CCDC85C: variants seen among roughly 807,000 people sequenced by gnomAD.
The protein encoded by CCDC85C is coiled-coil domain containing 85C, also known as coiled-coil domain-containing protein 85C.
Under a neutral mutation model 38.3 loss-of-function variants are expected in CCDC85C, and 18 were observed. The ratio of observed to expected loss-of-function variants is 0.47; its 90% CI spans 0.33 to 0.70. CCDC85C has a LOEUF of 0.70. CCDC85C is among the 30% of genes least tolerant of loss of function. The probability of loss-of-function intolerance (pLI) is 0.03; values close to 1 mark genes in which losing one functional copy is unlikely to be tolerated. For missense variants in CCDC85C, 566 were observed against 621.2 expected (o/e 0.91, Z 0.94); for synonymous variants, 264 against 293.8 (o/e 0.90, Z 1.04).
At chr14:99,559,661 C>T (rs1898078575) in intron 1 of CCDC85C, among the ~76,000 whole-genome samples, 1 of 152,198 alleles carries the variant, frequency 6.6e-6, no homozygotes, top group Non-Finnish European at 1.5e-5. Flanking sequence ...GCTGTCTCTT[C>T]CATCAGGGAG....
rs1463604354 is a variant in CCDC85C at position 99,604,090 on chromosome 14, C to G, written c.-131G>C. 1.0e-5 allele frequency: 9 copies of G among 901,554 alleles called. No individual in the cohort carries two copies. Among genetic ancestry groups the G allele is most frequent in the African/African-American group, 3.7e-5 (2 of 54,550 alleles). 55.8% of individuals were successfully genotyped at this position (901,554 alleles called of 1,614,324 possible). A position where few individuals can be genotyped will look rare whatever the true frequency, so the allele number is the denominator to read the frequency against. ...GCGCGTGCGGCCCGCCCCGCGCCGC[C>G]TGGCGCGTCCTCTCGCCGCGCCCGC... On this transcript the variant is annotated 5_prime_UTR_variant, in exon 1 of 6. Coordinates refer to ENST00000380243, the MANE Select transcript of CCDC85C (RefSeq NM_001144995.2).
Position 99,522,241 on chromosome 14 carries a change from C to A in CCDC85C, c.868-1G>T. On this transcript the variant is annotated splice_acceptor_variant, in intron 2 of 5. Transcript: ENST00000380243. LOFTEE classifies it high-confidence loss of function. ...TGCGGAACTCTCCGGAGCCTGCCTG[C>A]TGCAGGGGAGAGAAGGAGAGGGGTT... The A allele has an allele frequency of 6.5e-7, 1 of 1,545,788 alleles. No individual in the cohort carries two copies. The highest frequency in any genetic ancestry group is 8.7e-7 in the Non-Finnish European group (1 of 1,145,194).
chr14:99,568,561 G>A (rs1898269806), intron 1 of CCDC85C, among the ~76,000 whole-genome samples: 1 of 152,138 alleles, frequency 6.6e-6, no homozygotes, highest in East Asian at 1.9e-4. Context: ...ATGACGACCT[G>A]AGGACCCCGC....
Position 99,603,265 on chromosome 14 carries a change from G to A in CCDC85C, c.695C>T (p.Pro232Leu), listed in dbSNP as rs2055226281. Residue 232 changes from proline (P) to leucine (L), a missense_variant, in exon 1 of 6, where the codon CCG becomes CTG. Transcript: ENST00000380243. This position sits in a 1 kb window ranked among gnomAD's most constrained non-coding sequence, Gnocchi z 7.5. ...HVPPPLLPPG[P>L]HKAPDGKAGA... ...TGCCTTGCCGTCGGGGGCCTTGTGC[G>A]GCCCGGGGGGCAGCAGCGGGGGTGG... 5 of 1,381,750 alleles carry A rather than the reference G, an allele frequency of 3.6e-6. No homozygotes were observed. The highest frequency in any genetic ancestry group is 4.7e-6 in the Non-Finnish European group (5 of 1,073,970). 85.6% of individuals were successfully genotyped at this position (1,381,750 alleles called of 1,614,324 possible). A position where few individuals can be genotyped will look rare whatever the true frequency, so the allele number is the denominator to read the frequency against.
intron 1 of CCDC85C, among the ~76,000 whole-genome samples, chr14:99,597,107 G>A (rs2055151173): frequency 1.3e-5 from 2 of 152,086 alleles, no homozygotes; most frequent in African/African-American, 4.8e-5. Flanking sequence ...CCCGATGGAA[G>A]CCCTCAGCTT....
chr14:99,522,317 C>G (rs925975017), intron 2 of CCDC85C, 77 bp from the exon 3 acceptor site: 3 of 1,120,482 alleles, frequency 2.7e-6, no homozygotes, highest in Non-Finnish European at 3.8e-6. Flanking sequence ...TGGCTCCTCA[C>G]GGCAGCAGGG....
chr14:99,550,235 A>G (rs1373504451), intron 1 of CCDC85C, among the ~76,000 whole-genome samples: 1 of 152,168 alleles, frequency 6.6e-6, no homozygotes, highest in Non-Finnish European at 1.5e-5. Context: ...TTAGGAGGAG[A>G]TTAGTCTGGA....
At position 99,500,287 on chromosome 14, in the gene CCDC85C, TATATACACAC is replaced by T. The variant is rs1896792027; in HGVS notation, c.*14949_*14958del. On this transcript the variant is annotated 3_prime_UTR_variant, in exon 6 of 6. Transcript: ENST00000380243. ...AATACACTATATGTGTACATGAGTA[TATATACACAC>T]ACATACACACACACTGGTACAATTT... The T allele has an allele frequency of 6.0e-6, 1 of 165,876 alleles. No homozygotes were observed. Among genetic ancestry groups the T allele is most frequent in the Non-Finnish European group, 1.3e-5 (1 of 76,872 alleles). 10.3% of individuals were successfully genotyped at this position (165,876 alleles called of 1,614,324 possible). A position where few individuals can be genotyped will look rare whatever the true frequency, so the allele number is the denominator to read the frequency against.
Position 99,501,371 on chromosome 14 carries a change from T to C in CCDC85C, c.*13875A>G. 1 of 1,606,224 alleles carries C rather than the reference T, an allele frequency of 6.2e-7. No homozygotes were observed. Among genetic ancestry groups the C allele is most frequent in the Non-Finnish European group, 8.5e-7 (1 of 1,174,556 alleles). On this transcript the variant is annotated 3_prime_UTR_variant, in exon 6 of 6. Transcript: ENST00000380243. ...CCATTTCTAGGTGATAAAAACAAAA[T>C]TCAAAAGTTGGTTCAAATGGCATGG...
At position 99,501,188 on chromosome 14, in the gene CCDC85C, A is replaced by G. The variant is rs2069495; in HGVS notation, c.*14058T>C. 6.8e-4 allele frequency: 422 copies of G among 620,780 alleles called. No homozygotes were observed. In the African/African-American group the frequency reaches 7.0e-3, roughly 10 times the overall value. 38.5% of individuals were successfully genotyped at this position (620,780 alleles called of 1,614,324 possible). On this transcript the variant is annotated 3_prime_UTR_variant, in exon 6 of 6. Transcript: ENST00000380243. Reference sequence around the variant, plus strand: ...GGTTCAGCGTAGGTCATGAGGAGGAAGAAGGGGTAGGATGTGGACCCACAT... The same window carrying G: ...GGTTCAGCGTAGGTCATGAGGAGGAGGAAGGGGTAGGATGTGGACCCACAT...
In CCDC85C at chr14:99,569,765, C is replaced by T. The variant is rs1197921743; in HGVS notation, c.793+33402G>A. On this transcript the variant is annotated intron_variant, in intron 1 of 5. Transcript: ENST00000380243. This position sits in a 1 kb window ranked among gnomAD's most constrained non-coding sequence, Gnocchi z 4.3. ...TTTCAGGTGCAATGCTCCAAGGCGA[C>T]GCAGGGAGGGATCTAGACCCAGGCA... 2.6e-5 allele frequency among the ~76,000 whole-genome samples: 4 copies of T among 152,146 alleles called. No individual in the cohort carries two copies. The highest frequency in any genetic ancestry group is 1.9e-4 in the East Asian group (1 of 5,176).
intron 2 of CCDC85C, among the ~76,000 whole-genome samples, chr14:99,530,947 G>A (rs1897480979): frequency 6.6e-6 from 1 of 152,240 alleles, no homozygotes; most frequent in African/African-American, 2.4e-5. Context: ...GGACTGTAAG[G>A]AAATAAATTT....
intron 1 of CCDC85C, among the ~76,000 whole-genome samples, chr14:99,566,918 C>T (rs1898226426): frequency 6.6e-6 from 1 of 152,204 alleles, no homozygotes; most frequent in East Asian, 1.9e-4. Context: ...GGCGGCCTGC[C>T]GTGCCCTGGC....
chr14:99,556,417 A>G (rs1306978141), intron 1 of CCDC85C, among the ~76,000 whole-genome samples: 2 of 152,214 alleles, frequency 1.3e-5, no homozygotes, highest in Non-Finnish European at 2.9e-5. Context: ...CTGTCTCTTA[A>G]AAAAGAAACT....
chr14:99,535,380 C>T lies in CCDC85C; in HGVS notation c.867+635G>A, dbSNP rs1897575334. Among the ~76,000 whole-genome samples the T allele has an allele frequency of 6.6e-6, 1 of 152,162 alleles. No individual in the cohort carries two copies. Among genetic ancestry groups the T allele is most frequent in the African/African-American group, 2.4e-5 (1 of 41,432 alleles). On this transcript the variant is annotated intron_variant, in intron 2 of 5. Coordinates refer to ENST00000380243, the MANE Select transcript of CCDC85C (RefSeq NM_001144995.2). This position sits in a 1 kb window ranked among gnomAD's most constrained non-coding sequence, Gnocchi z 5.5. ...AACACCCAAGCGTGACTGCCCATAG[C>T]CTCCTCTCGGCAGCCCCCACGCCTG...
rs567448340 is a variant in CCDC85C at position 99,572,380 on chromosome 14, G to C, written c.793+30787C>G. Among the ~76,000 whole-genome samples the C allele has an allele frequency of 6.6e-6, 1 of 152,182 alleles. No homozygotes were observed. The highest frequency in any genetic ancestry group is 1.5e-5 in the Non-Finnish European group (1 of 68,024). ...CCTCACGGGACACTGCGGGCGCTGCGGGCTAGTGTCTCAGCCTGCAATCCC... is the reference window on the plus strand; with the variant it reads ...CCTCACGGGACACTGCGGGCGCTGCCGGCTAGTGTCTCAGCCTGCAATCCC... On this transcript the variant is annotated intron_variant, in intron 1 of 5. Transcript: ENST00000380243. This position sits in a 1 kb window ranked among gnomAD's most constrained non-coding sequence, Gnocchi z 4.4.
chr14:99,539,805 A>G (rs1471366339), intron 1 of CCDC85C, among the ~76,000 whole-genome samples: 1 of 152,162 alleles, frequency 6.6e-6, no homozygotes, highest in Non-Finnish European at 1.5e-5. Context: ...GTTTCTTGTT[A>G]ATTTTCAAAT....
rs1896885521 is a variant in CCDC85C at position 99,503,258 on chromosome 14, T to C, written c.*11988A>G. On this transcript the variant is annotated 3_prime_UTR_variant, in exon 6 of 6. Coordinates refer to ENST00000380243, the MANE Select transcript of CCDC85C (RefSeq NM_001144995.2). ...GGGTTCTGAAGCCTGTCGGTGTCGTTGCCGTGTCCTAGCAGTGTCGTTGTG... is the reference window on the plus strand; with the variant it reads ...GGGTTCTGAAGCCTGTCGGTGTCGTCGCCGTGTCCTAGCAGTGTCGTTGTG... 6.3e-6 allele frequency: 4 copies of C among 639,890 alleles called. No homozygotes were observed. The highest frequency in any genetic ancestry group is 1.1e-5 in the Non-Finnish European group (4 of 354,188). The allele number at this position is 639,890 out of a possible 1,614,324, so 39.6% of individuals were successfully genotyped here. A position where few individuals can be genotyped will look rare whatever the true frequency, so the allele number is the denominator to read the frequency against.
In CCDC85C at chr14:99,603,781, A is replaced by T. The variant is rs2140001601; in HGVS notation, c.179T>A (p.Leu60Gln). 6.6e-7 allele frequency: 1 copy of T among 1,526,188 alleles called. No homozygotes were observed. Among genetic ancestry groups the T allele is most frequent in the East Asian group, 2.5e-5 (1 of 39,796 alleles). 94.5% of individuals were successfully genotyped at this position (1,526,188 alleles called of 1,614,324 possible). A position where few individuals can be genotyped will look rare whatever the true frequency, so the allele number is the denominator to read the frequency against. ...GGLMRDVNRRLQQHLLEIRGL... is the reference protein window; with the variant it reads ...GGLMRDVNRRQQQHLLEIRGL... ...GCGGATCTCCAGCAGGTGCTGCTGC[A>T]GCCGCCGGTTCACGTCGCGCATCAG... The change falls in exon 1 of 6, where the codon CTG (leucine) becomes CAG (glutamine). Residue 60 changes from leucine to glutamine, a missense_variant. Physicochemically the swap from Leu to Gln is moderately radical, Grantham distance 113. Around this residue, in one of 3 missense-constraint regions of CCDC85C, gnomAD observed 269 missense variants for 308.2 expected, o/e 0.87. Transcript: ENST00000380243. This position sits in a 1 kb window ranked among gnomAD's most constrained non-coding sequence, Gnocchi z 7.5.
Sources: gnomAD v4.1 joint callset for allele counts (sites outside exome capture counted in the v4.1 genomes callset) on GRCh38, gnomAD v4.1.1 for gene constraint, gnomAD v4.1.1 regional missense constraint, Gnocchi (gnomAD v3.1) non-coding constraint, MANE v1.5 for transcripts, NCBI Gene and HGNC (gene_info 2026-07-23, HGNC 2026-07-21) for gene names.